Variants in DLC1 observed in about 807,000 individuals in gnomAD.
DLC1 encodes rho GTPase-activating protein 7.
DLC1 carries 54 observed loss-of-function variants against 140.3 expected under a neutral mutation model. That is an observed-to-expected ratio of 0.38 (90% confidence interval 0.31 to 0.48). DLC1 has a LOEUF of 0.48. DLC1 is among the 20% of genes least tolerant of loss of function. The pLI, the probability that DLC1 is intolerant of heterozygous loss-of-function variation, is 0.96. For synonymous variants in DLC1, 986 were observed against 728.1 expected (o/e 1.35, Z -5.70); for missense variants, 2,536 against 1,907.0 (o/e 1.33, Z -6.14).
At chr8:13,339,113 A>T (rs754816055) in intron 4 of DLC1, among the ~76,000 whole-genome samples, 1 of 152,236 alleles carries the variant, frequency 6.6e-6, no homozygotes, top group Non-Finnish European at 1.5e-5. Flanking sequence ...TAACTGAATC[A>T]TTCCCTTCCT....
chr8:13,091,283 C>T, intron 14 of DLC1, 35 bp downstream of exon 14: 1 of 1,606,112 alleles, frequency 6.2e-7, no homozygotes, highest in Non-Finnish European at 8.5e-7. Flanking sequence ...TTCACATTAT[C>T]CTTAATAAAG....
At chr8:13,283,322 A>G (rs1003107868) in intron 5 of DLC1, among the ~76,000 whole-genome samples, 7 of 151,818 alleles carry the variant, frequency 4.6e-5, no homozygotes, top group Admixed American at 2.0e-4. Context: ...ACACACACAC[A>G]CACAGAAAAG....
intron 15 of DLC1, 36 bp from the exon 16 acceptor site, chr8:13,088,740 T>C (rs968837354): frequency 1.9e-5 from 30 of 1,600,610 alleles, no homozygotes; most frequent in Non-Finnish European, 2.5e-5. Flanking sequence ...GCCAAGGCAA[T>C]CCATACACAC....
At position 13,131,413 on chromosome 8, in the gene DLC1, ACAT is replaced by A. The variant is rs1377469048; in HGVS notation, c.1349-15759_1349-15757del. Among the ~76,000 whole-genome samples, 9 of 152,282 alleles carry A rather than the reference ACAT, an allele frequency of 5.9e-5. No individual in the cohort carries two copies. The South Asian group carries it at 6.2e-4, about 11-fold the overall frequency. ...CCGAGCTGCAATGTTTTTTCCAAAT[ACAT>A]CATCAATGCCACCAGCCTAGGCTGC... On this transcript the variant is annotated intron_variant, in intron 5 of 17. Coordinates refer to ENST00000276297, the MANE Select transcript of DLC1 (RefSeq NM_182643.3).
At chr8:13,282,616 A>AT (rs1831403962) in intron 5 of DLC1, among the ~76,000 whole-genome samples, 2 of 152,112 alleles carry the variant, frequency 1.3e-5, no homozygotes, top group Admixed American at 1.3e-4. Context: ...TCTTCATTTT[A>AT]TTTTATTCCT....
At chr8:13,410,814 G>A (rs1201635779) in intron 2 of DLC1, among the ~76,000 whole-genome samples, 3 of 152,108 alleles carry the variant, frequency 2.0e-5, no homozygotes, top group African/African-American at 7.2e-5. Flanking sequence ...GGTAATCACG[G>A]TTTGTTTTGT....
intron 1 of DLC1, among the ~76,000 whole-genome samples, chr8:13,571,367 AT>A (rs1043503148): frequency 2.0e-5 from 3 of 151,968 alleles, no homozygotes; most frequent in African/African-American, 7.3e-5. Context: ...ATAACTCCCC[AT>A]TCTCCTCTCC....
intron 4 of DLC1, among the ~76,000 whole-genome samples, chr8:13,327,593 T>C (rs1431854480): frequency 6.6e-6 from 1 of 152,086 alleles, no homozygotes; most frequent in African/African-American, 2.4e-5. Context: ...GTTAGGATTA[T>C]AGGCTTAAGC....
intron 16 of DLC1, 90 bp from the exon 17 acceptor site, chr8:13,086,553 G>T: frequency 6.7e-7 from 1 of 1,483,870 alleles, no homozygotes; most frequent in Non-Finnish European, 9.2e-7. Flanking sequence ...TTGCAGTGTG[G>T]TGACGGGTCA....
chr8:13,258,933 C>G (rs1001193139), intron 5 of DLC1, among the ~76,000 whole-genome samples: 2 of 151,736 alleles, frequency 1.3e-5, no homozygotes, highest in African/African-American at 4.8e-5. Context: ...GTCAGGAGAT[C>G]GAGACCATCC....
chr8:13,454,686 C>G (rs1799308886), intron 2 of DLC1, among the ~76,000 whole-genome samples: 1 of 152,134 alleles, frequency 6.6e-6, no homozygotes, highest in Admixed American at 6.6e-5. Flanking sequence ...GGCCAAGTAG[C>G]TGGAACTATA....
At chr8:13,519,824 A>T (rs550164467), upstream of DLC1, among the ~76,000 whole-genome samples, 1 of 152,378 alleles carries the variant, frequency 6.6e-6, no homozygotes, top group Non-Finnish European at 1.5e-5. Flanking sequence ...ATATGAACAG[A>T]CACTTCTCAA....
At chr8:13,513,590 C>T (rs1301016492) in intron 1 of DLC1, among the ~76,000 whole-genome samples, 1 of 151,930 alleles carries the variant, frequency 6.6e-6, no homozygotes, top group Non-Finnish European at 1.5e-5. Context: ...AATATTTCTT[C>T]CCTTTATGTA....
At chr8:13,324,922 G>C (rs1352621317) in intron 4 of DLC1, among the ~76,000 whole-genome samples, 1 of 152,082 alleles carries the variant, frequency 6.6e-6, no homozygotes, top group African/African-American at 2.4e-5. Flanking sequence ...CAACACTTTG[G>C]TGATACTGTG....
intron 4 of DLC1, among the ~76,000 whole-genome samples, chr8:13,352,960 T>G (rs1834744134): frequency 6.6e-6 from 1 of 152,168 alleles, no homozygotes; most frequent in African/African-American, 2.4e-5. Flanking sequence ...AAAATCCATC[T>G]TAGTAAAACA....
intron 1 of DLC1, among the ~76,000 whole-genome samples, chr8:13,597,321 C>T (rs1321121166): frequency 1.3e-5 from 2 of 151,992 alleles, no homozygotes; most frequent in African/African-American, 4.8e-5. Flanking sequence ...CGTGATTAGG[C>T]CTTCCAAAGA....
At chr8:13,389,434 G>A (rs374929412) in intron 4 of DLC1, among the ~76,000 whole-genome samples, 482 of 152,196 alleles carry the variant, frequency 3.2e-3, no homozygotes, top group Non-Finnish European at 5.2e-3. Flanking sequence ...TAGTACGAAA[G>A]GCATTGTGAG....
intron 1 of DLC1, among the ~76,000 whole-genome samples, chr8:13,591,003 G>A (rs1160143153): frequency 6.6e-6 from 1 of 151,978 alleles, no homozygotes; most frequent in African/African-American, 2.4e-5. Context: ...GCAATAACAT[G>A]GAGGTACTTT....
chr8:13,198,342 A>G (rs1827185632), intron 5 of DLC1, among the ~76,000 whole-genome samples: 2 of 152,162 alleles, frequency 1.3e-5, no homozygotes, highest in South Asian at 4.1e-4. Flanking sequence ...TACCATTTAC[A>G]AAGGCAAAGG....
Sources: gnomAD v4.1 joint callset for allele counts (sites outside exome capture counted in the v4.1 genomes callset) on GRCh38, gnomAD v4.1.1 for gene constraint, MANE v1.5 for transcripts, NCBI Gene and HGNC (gene_info 2026-07-23, HGNC 2026-07-21) for gene names.